Variants in CAMTA1 observed in about 807,000 individuals in gnomAD.
CAMTA1 encodes calmodulin-binding transcription activator 1.
A neutral mutation model predicts 170.9 loss-of-function variants in CAMTA1; 27 were observed. That is an observed-to-expected ratio of 0.16 (90% CI 0.12 to 0.22). The LOEUF (loss-of-function observed/expected upper bound fraction) is 0.22, where lower values mean the gene tolerates loss of function less well. Ranked by LOEUF, CAMTA1 falls within the 10% of genes least tolerant of loss-of-function variation. The pLI, the probability that CAMTA1 is intolerant of heterozygous loss-of-function variation, is 1.00. For missense variants in CAMTA1, 1,619 were observed against 2,217.2 expected, an observed-to-expected ratio of 0.73 and a Z score of 5.42; for synonymous variants, 833 against 891.5, an observed-to-expected ratio of 0.93 and a Z score of 1.17.
intron 5 of CAMTA1, among the ~76,000 whole-genome samples, chr1:7,465,565 C>A (rs1055797226): frequency 3.3e-5 from 5 of 152,094 alleles, no homozygotes; most frequent in African/African-American, 9.7e-5. Flanking sequence ...GAGTGAGGGC[C>A]CGAGGGTTCC....
In CAMTA1 at chr1:7,325,079, A is replaced by G. The variant is rs1054804600; in HGVS notation, c.438+75453A>G. Among the ~76,000 whole-genome samples the G allele has an allele frequency of 4.6e-5, 7 of 152,026 alleles. No homozygotes were observed. The highest frequency in any genetic ancestry group is 6.5e-5 in the Admixed American group (1 of 15,276). On this transcript the variant is annotated intron_variant, in intron 5 of 22. Transcript: ENST00000303635. The surrounding 1 kb of genome is among the most constrained non-coding windows in gnomAD (Gnocchi z 5.0). ...ATCATTATCATTTTACACAATTAAT[A>G]TTTCCATTCTTCCCTTCAACAGATA...
intron 5 of CAMTA1, among the ~76,000 whole-genome samples, chr1:7,448,238 G>A (rs191095768): frequency 5.4e-4 from 82 of 152,298 alleles, no homozygotes; most frequent in African/African-American, 1.9e-3. Context: ...GACATGGAGT[G>A]GGGGGGCTCT....
At chr1:7,449,147 T>C (rs905907921) in intron 5 of CAMTA1, among the ~76,000 whole-genome samples, 1 of 152,200 alleles carries the variant, frequency 6.6e-6, no homozygotes, top group Non-Finnish European at 1.5e-5. Flanking sequence ...AAGAAGAAGC[T>C]GACCCTGGGA....
intron 3 of CAMTA1, among the ~76,000 whole-genome samples, chr1:7,053,674 C>T (rs1051274000): frequency 6.6e-6 from 1 of 152,200 alleles, no homozygotes; most frequent in East Asian, 1.9e-4. Flanking sequence ...GGCCACTTCT[C>T]GAAGCAGGGC....
chr1:7,697,222 G>C (rs972824352), intron 11 of CAMTA1, among the ~76,000 whole-genome samples: 2 of 152,200 alleles, frequency 1.3e-5, no homozygotes, highest in South Asian at 4.1e-4. Flanking sequence ...GACCCGAAGT[G>C]ATGGTGATTT....
At chr1:6,974,254 T>C (rs2149598730) in intron 3 of CAMTA1, among the ~76,000 whole-genome samples, 1 of 152,344 alleles carries the variant, frequency 6.6e-6, no homozygotes, top group South Asian at 2.1e-4. Context: ...AATCCAATTT[T>C]TCATACAGTA....
At chr1:7,416,238 T>G (rs1220754562) in intron 5 of CAMTA1, among the ~76,000 whole-genome samples, 1 of 152,186 alleles carries the variant, frequency 6.6e-6, no homozygotes, top group Non-Finnish European at 1.5e-5. Flanking sequence ...ATTATGTGTC[T>G]TGGAGTTGCT....
At chr1:7,163,776 G>A (rs576564365) in intron 4 of CAMTA1, among the ~76,000 whole-genome samples, 3 of 152,284 alleles carry the variant, frequency 2.0e-5, no homozygotes, top group South Asian at 2.1e-4. Context: ...CAACATGGTC[G>A]AAGGATTGGG....
chr1:7,328,557 T>A (rs1036850963), intron 5 of CAMTA1, among the ~76,000 whole-genome samples: 2 of 152,180 alleles, frequency 1.3e-5, no homozygotes, highest in African/African-American at 4.8e-5. Flanking sequence ...ACCACTGCCC[T>A]GTTTTTCTCT....
intron 5 of CAMTA1, among the ~76,000 whole-genome samples, chr1:7,324,729 C>T (rs1323718254): frequency 1.3e-5 from 2 of 151,502 alleles, no homozygotes; most frequent in Non-Finnish European, 2.9e-5. Context: ...ATCACTTGAA[C>T]CTGGGAGGTG....
chr1:6,806,391 A>G (rs538144558), intron 1 of CAMTA1, among the ~76,000 whole-genome samples: 1 of 152,286 alleles, frequency 6.6e-6, no homozygotes, highest in Non-Finnish European at 1.5e-5. Context: ...GTTAGTTTCC[A>G]CAGAAGAGAC....
chr1:7,601,790 A>C (rs1340941413), intron 6 of CAMTA1, among the ~76,000 whole-genome samples: 1 of 152,086 alleles, frequency 6.6e-6, no homozygotes, highest in Non-Finnish European at 1.5e-5. Flanking sequence ...AAAATACGAA[A>C]ACCAGTCAGG....
At position 6,985,095 on chromosome 1, in the gene CAMTA1, C is replaced by T. The variant is rs542731947; in HGVS notation, c.235-106209C>T. On this transcript the variant is annotated intron_variant, in intron 3 of 22. Coordinates refer to ENST00000303635, the MANE Select transcript of CAMTA1 (RefSeq NM_015215.4). ...AGGTCCCAGGCCTGGAAGCCCACAC[C>T]GATTACAAGGCTGTCCCCTAAGCTA... Among the ~76,000 whole-genome samples, 80 of 152,332 alleles carry T rather than the reference C, an allele frequency of 5.3e-4. 2 individuals are homozygous for T. In the South Asian group the frequency reaches 0.01, roughly 20 times the overall value.
intron 3 of CAMTA1, among the ~76,000 whole-genome samples, chr1:6,891,148 TAGA>T (rs1202954053): frequency 6.6e-5 from 10 of 152,198 alleles, no homozygotes; most frequent in Admixed American, 4.6e-4. Context: ...CCACCTTGAT[TAGA>T]AGGTCATTAA....
intron 3 of CAMTA1, among the ~76,000 whole-genome samples, chr1:7,053,375 G>A (rs1322898104): frequency 1.3e-5 from 2 of 152,184 alleles, no homozygotes; most frequent in East Asian, 1.9e-4. Flanking sequence ...TTCTCGCGGC[G>A]AGGTGTGATG....
At chr1:7,472,483 G>T (rs1300410647) in intron 6 of CAMTA1, among the ~76,000 whole-genome samples, 1 of 152,138 alleles carries the variant, frequency 6.6e-6, no homozygotes, top group African/African-American at 2.4e-5. Context: ...AACAGCCTCC[G>T]AGAAGCTCCA....
chr1:7,730,035 T>C (rs1465619404), intron 11 of CAMTA1, among the ~76,000 whole-genome samples: 1 of 152,240 alleles, frequency 6.6e-6, no homozygotes, highest in Admixed American at 6.5e-5. Flanking sequence ...TCAGTCAGCT[T>C]CCACAGACAT....
At chr1:7,450,505 G>C (rs1267792154) in intron 5 of CAMTA1, among the ~76,000 whole-genome samples, 1 of 152,340 alleles carries the variant, frequency 6.6e-6, no homozygotes, top group East Asian at 1.9e-4. Flanking sequence ...TTCACACCTT[G>C]TAAGCAGACC....
intron 5 of CAMTA1, among the ~76,000 whole-genome samples, chr1:7,451,590 G>C (rs1179091354): frequency 2.6e-5 from 4 of 152,142 alleles, no homozygotes; most frequent in East Asian, 1.9e-4. Flanking sequence ...TTGGGGAGGT[G>C]GTGGGGAACT....
Sources: allele counts gnomAD v4.1 joint callset (sites outside exome capture counted in the v4.1 genomes callset), GRCh38; gene constraint gnomAD v4.1.1; non-coding constraint Gnocchi (gnomAD v3.1); transcripts MANE v1.5; gene names NCBI Gene and HGNC (gene_info 2026-07-23, HGNC 2026-07-21).